The following IFT122 variants were observed in gnomAD, a reference collection of about 807,000 sequenced individuals.
IFT122 encodes the protein intraflagellar transport protein 122 homolog.
IFT122 carries 118 observed loss-of-function variants against 161.6 expected under a neutral mutation model. The observed-to-expected ratio is 0.73, with a 90% CI of 0.63 to 0.85. The LOEUF (loss-of-function observed/expected upper bound fraction) is 0.85, where lower values mean the gene tolerates loss of function less well. Among genes scored for constraint, IFT122 ranks in the 40% least tolerant of loss-of-function variants. The probability of loss-of-function intolerance (pLI) is 0.00; values close to 1 mark genes in which losing one functional copy is unlikely to be tolerated. For missense variants in IFT122, 1,381 were observed against 1,579.6 expected (o/e 0.87, Z 2.13); for synonymous variants, 550 against 602.4 (o/e 0.91, Z 1.27).
At chr3:129,464,486 T>G in intron 6 of IFT122, 149 bp from the exon 7 acceptor site, 1 of 928,098 alleles carries the variant, frequency 1.1e-6, no homozygotes, top group Non-Finnish European at 1.8e-6. Context: ...TCCTCTGACT[T>G]TATGTCAGGA....
At chr3:129,492,016 G>A in intron 16 of IFT122, 125 bp from the exon 17 acceptor site, 6 of 792,732 alleles carry the variant, frequency 7.6e-6, no homozygotes, top group Non-Finnish European at 4.6e-6. Context: ...ATTAATCTGT[G>A]CTTGCTCCCT....
intron 3 of IFT122, among the ~76,000 whole-genome samples, chr3:129,452,587 G>T (rs2074978770): frequency 6.6e-6 from 1 of 152,182 alleles, no homozygotes; most frequent in South Asian, 2.1e-4. Flanking sequence ...AGGCCCTCAG[G>T]TGTGGGTGTG....
rs545413857 is a variant in IFT122, at chr3:129,440,471, C to T, written c.41+100C>T. ...TTGAGGGGGGCAGCGGGCTTGCTGC[C>T]TGGGCCGAGGGCACTGAACCCCGGC... On this transcript the variant is annotated intron_variant, in intron 1 of 29. Coordinates refer to ENST00000348417, the MANE Select transcript of IFT122 (RefSeq NM_052989.3). The T allele has an allele frequency of 9.8e-6, 14 of 1,421,508 alleles. No individual in the cohort carries two copies. The African/African-American group carries it at 1.7e-4, about 17-fold the overall frequency. 88.1% of individuals were successfully genotyped at this position (1,421,508 alleles called of 1,614,324 possible). A position where few individuals can be genotyped will look rare whatever the true frequency, so the allele number is the denominator to read the frequency against.
intron 7 of IFT122, 98 bp downstream of exon 7, chr3:129,464,879 C>G (rs1034147506): frequency 2.3e-6 from 3 of 1,328,228 alleles, no homozygotes; most frequent in African/African-American, 1.4e-5. Flanking sequence ...CTTCTCACCT[C>G]ACTTGAATGG....
At chr3:129,497,500 G>A (rs1362297324) in intron 18 of IFT122, among the ~76,000 whole-genome samples, 3 of 152,164 alleles carry the variant, frequency 2.0e-5, no homozygotes, top group African/African-American at 2.4e-5. Flanking sequence ...GGGGCCACAC[G>A]TGACCACAGA....
At chr3:129,469,241 C>T (rs572999423) in intron 8 of IFT122, 101 bp from the exon 9 acceptor site, 2 of 1,069,890 alleles carry the variant, frequency 1.9e-6, no homozygotes, top group African/African-American at 1.6e-5. Context: ...ATTTGGCAAC[C>T]TGAGGCCAGG....
intron 3 of IFT122, chr3:129,456,205 T>C (rs1407849515): frequency 2.4e-5 from 31 of 1,278,200 alleles, no homozygotes; most frequent in Non-Finnish European, 3.1e-5. Flanking sequence ...AGCCCAAAGC[T>C]TATGCTTTTC....
chr3:129,449,948 G>C lies in IFT122; in HGVS notation c.108+11G>C. On this transcript the variant is annotated intron_variant, in intron 2 of 29. Coordinates refer to ENST00000348417, the MANE Select transcript of IFT122 (RefSeq NM_052989.3). ...GGAAGCAGATTACTGGTAGGATTTT[G>C]TCTTAGTTTCCTCTTAAAGTGCTTC... The C allele has an allele frequency of 6.3e-7, 1 of 1,592,268 alleles. No homozygotes were observed. Among genetic ancestry groups the C allele is most frequent in the Admixed American group, 1.7e-5 (1 of 59,864 alleles).
Position 129,476,200 on chromosome 3 carries a change from C to G in IFT122, c.817-115C>G, listed in dbSNP as rs572884858. The G allele has an allele frequency of 1.1e-5, 12 of 1,118,750 alleles. No homozygotes were observed. The Admixed American group carries it at 2.4e-4, about 22-fold the overall frequency. 69.3% of individuals were successfully genotyped at this position (1,118,750 alleles called of 1,614,324 possible). ...TGACACAGGAGAAAAGGCTGGCCAGCTCTCCCTGTCTTCCCAACTCCCTCT... is the reference window on the plus strand; with the variant it reads ...TGACACAGGAGAAAAGGCTGGCCAGGTCTCCCTGTCTTCCCAACTCCCTCT... On this transcript the variant is annotated intron_variant, in intron 9 of 29. Transcript: ENST00000348417.
intron 4 of IFT122, chr3:129,460,868 T>C (rs766370204): frequency 6.2e-7 from 1 of 1,613,920 alleles, no homozygotes; most frequent in South Asian, 1.1e-5. Context: ...TGGTCTGTGA[T>C]GTCTTCATTG....
chr3:129,518,541 C>T (rs1213584510), intron 27 of IFT122, among the ~76,000 whole-genome samples: 2 of 152,294 alleles, frequency 1.3e-5, no homozygotes, highest in African/African-American at 2.4e-5. Context: ...CACCCAGGCT[C>T]CCTCAGGTGC....
Position 129,475,261 on chromosome 3 carries a change from T to C in IFT122, c.817-1054T>C, listed in dbSNP as rs1045776294. ...ATTCGCACTCACTAAAATGGAGAAA[T>C]TGGAATCCTCATACACTGCTAATGC... On this transcript the variant is annotated intron_variant, in intron 9 of 29. Coordinates refer to ENST00000348417, the MANE Select transcript of IFT122 (RefSeq NM_052989.3). Among the ~76,000 whole-genome samples, 8 of 152,238 alleles carry C rather than the reference T, an allele frequency of 5.3e-5. No homozygotes were observed. In the South Asian group the frequency reaches 1.7e-3, roughly 32 times the overall value.
intron 23 of IFT122, 143 bp downstream of exon 23, chr3:129,507,905 G>A: frequency 1.4e-6 from 1 of 690,212 alleles, no homozygotes; most frequent in Non-Finnish European, 2.6e-6. Flanking sequence ...CCTCTGGGAA[G>A]AAAAAGTTTG....
chr3:129,481,888 G>A (rs189210822), intron 14 of IFT122, among the ~76,000 whole-genome samples, 194 bp downstream of exon 14: 1 of 152,358 alleles, frequency 6.6e-6, no homozygotes, highest in Admixed American at 6.5e-5. Flanking sequence ...AAGCCGCAGG[G>A]CCTGGACCGG....
At chr3:129,503,161 C>T (rs976776783) in intron 20 of IFT122, among the ~76,000 whole-genome samples, 7 of 152,198 alleles carry the variant, frequency 4.6e-5, no homozygotes, top group East Asian at 1.9e-4. Context: ...AGTGTGAACA[C>T]GACAGCTCCA....
intron 23 of IFT122, 38 bp downstream of exon 23, chr3:129,507,800 C>T (rs1365904569): frequency 4.0e-6 from 6 of 1,494,514 alleles, no homozygotes; most frequent in Middle Eastern, 3.4e-4. Flanking sequence ...AGGGTACCAT[C>T]TCCTGAGCTA....
At chr3:129,461,114 A>T in intron 4 of IFT122, 114 bp from the exon 5 acceptor site, 1 of 977,746 alleles carries the variant, frequency 1.0e-6, no homozygotes, top group Non-Finnish European at 1.7e-6. Context: ...TCACTTGCAG[A>T]AGAGCATGTG....
intron 4 of IFT122, chr3:129,459,279 C>T (rs780092044): frequency 2.7e-5 from 12 of 452,574 alleles, no homozygotes; most frequent in South Asian, 1.4e-4. Context: ...GATACTGCAT[C>T]TATTTTTTGT....
At chr3:129,517,085 G>C (rs148061854) in intron 26 of IFT122, among the ~76,000 whole-genome samples, 2,415 of 87,232 alleles carry the variant, frequency 0.028, 97 homozygotes, top group African/African-American at 0.093. Context: ...CACACACACA[G>C]AGACTGCCCC....
Sources: allele counts gnomAD v4.1 joint callset (sites outside exome capture counted in the v4.1 genomes callset), GRCh38; gene constraint gnomAD v4.1.1; transcripts MANE v1.5; gene names NCBI Gene and HGNC (gene_info 2026-07-23, HGNC 2026-07-21).